Variants in NRXN3 observed in about 807,000 individuals in gnomAD.
The protein encoded by NRXN3 is neurexin 3.
Under a neutral mutation model 137.6 loss-of-function variants are expected in NRXN3, and 32 were observed. The ratio of observed to expected loss-of-function variants is 0.23; its 90% CI spans 0.18 to 0.31. NRXN3 has a LOEUF of 0.31. Among genes scored for constraint, NRXN3 ranks in the 10% least tolerant of loss-of-function variants. NRXN3 has a pLI of 1.00. For missense variants in NRXN3, 1,574 were observed against 2,062.5 expected, an observed-to-expected ratio of 0.76 and a Z score of 4.59; for synonymous variants, 798 against 784.5, an observed-to-expected ratio of 1.02 and a Z score of -0.29.
intron 4 of NRXN3, among the ~76,000 whole-genome samples, chr14:78,371,801 A>G (rs1022806487): frequency 2.6e-5 from 4 of 152,266 alleles, no homozygotes; most frequent in African/African-American, 9.6e-5. Flanking sequence ...GAAAGGATCA[A>G]GGGAACTATT....
chr14:79,537,349 G>A (rs377749351), intron 16 of NRXN3, among the ~76,000 whole-genome samples: 1 of 151,836 alleles, frequency 6.6e-6, no homozygotes, highest in Admixed American at 6.6e-5. Context: ...GTGCAGGTTA[G>A]TTACATATGT....
intron 4 of NRXN3, among the ~76,000 whole-genome samples, chr14:78,477,175 T>C (rs779896585): frequency 6.6e-6 from 1 of 152,206 alleles, no homozygotes; most frequent in Non-Finnish European, 1.5e-5. Context: ...TTTTTCTTTT[T>C]TCCATTGCTT....
At chr14:78,488,314 A>C (rs1289249197) in intron 4 of NRXN3, among the ~76,000 whole-genome samples, 1 of 152,166 alleles carries the variant, frequency 6.6e-6, no homozygotes, top group Non-Finnish European at 1.5e-5. Flanking sequence ...TTTGGGTAGG[A>C]GGCAGGGACA....
At chr14:79,582,456 C>G (rs1332043767) in intron 16 of NRXN3, among the ~76,000 whole-genome samples, 1 of 152,152 alleles carries the variant, frequency 6.6e-6, no homozygotes, top group Non-Finnish European at 1.5e-5. Context: ...GAGTCTTGCT[C>G]TGTCACTAGG....
intron 4 of NRXN3, among the ~76,000 whole-genome samples, chr14:78,543,653 A>G (rs2096612340): frequency 6.6e-6 from 1 of 152,164 alleles, no homozygotes; most frequent in Admixed American, 6.5e-5. Flanking sequence ...GGCTGACCTC[A>G]GTGATGAGTT....
intron 7 of NRXN3, among the ~76,000 whole-genome samples, chr14:78,712,148 T>C (rs1293953504): frequency 1.3e-5 from 2 of 152,220 alleles, no homozygotes; most frequent in Non-Finnish European, 2.9e-5. Context: ...TTGATTCTAG[T>C]ATTGTCTTTA....
intron 4 of NRXN3, among the ~76,000 whole-genome samples, chr14:78,340,627 G>A (rs1014177760): frequency 2.6e-5 from 4 of 152,062 alleles, no homozygotes; most frequent in South Asian, 2.1e-4. Flanking sequence ...CTCTTCTTGC[G>A]GCTCCTCAAA....
In NRXN3 at chr14:78,651,245, C is replaced by T. The variant is rs769787519; in HGVS notation, c.1140C>T (p.Phe380=). 1 of 1,613,974 alleles carries T rather than the reference C, an allele frequency of 6.2e-7. No individual in the cohort carries two copies. Among genetic ancestry groups the T allele is most frequent in the African/African-American group, 1.3e-5 (1 of 74,902 alleles). Residue 380 remains phenylalanine, a synonymous_variant, in exon 6 of 21, where the codon TTC becomes TTT. Coordinates refer to ENST00000335750, the MANE Select transcript of NRXN3 (RefSeq NM_001330195.2). ...ATACCATGCTGGGCTCGGACGACTT[C>T]TTCTATGTAGGAGGAAGCCCAAGTA... ...EDYTMLGSDD[F]FYVGGSPSTA...
intron 2 of NRXN3, among the ~76,000 whole-genome samples, chr14:78,249,839 C>G (rs12588567): frequency 0.22 from 33,055 of 151,868 alleles, 4,079 homozygotes; most frequent in Middle Eastern, 0.33. Context: ...ACTTGAACCC[C>G]CCGTTTGGCA....
chr14:78,332,268 G>T (rs1172643197), intron 4 of NRXN3, among the ~76,000 whole-genome samples: 4 of 150,312 alleles, frequency 2.7e-5, no homozygotes, highest in Non-Finnish European at 5.9e-5. Flanking sequence ...CATCATTGTT[G>T]CCCTCTTTGC....
At chr14:79,243,895 A>C (rs915804944) in intron 15 of NRXN3, among the ~76,000 whole-genome samples, 22 of 151,990 alleles carry the variant, frequency 1.4e-4, no homozygotes, top group Non-Finnish European at 2.9e-5. Context: ...TCCAAGTGAC[A>C]AAAAAAATCT....
intron 15 of NRXN3, among the ~76,000 whole-genome samples, chr14:79,350,947 A>G (rs1435102039): frequency 6.6e-6 from 1 of 152,190 alleles, no homozygotes; most frequent in Non-Finnish European, 1.5e-5. Flanking sequence ...CAACTTTGAC[A>G]TTAATGCTAT....
At chr14:78,604,509 A>G (rs2152447568) in intron 4 of NRXN3, among the ~76,000 whole-genome samples, 1 of 152,318 alleles carries the variant, frequency 6.6e-6, no homozygotes. Flanking sequence ...GAAATTTAGT[A>G]TTAAGTTAAA....
intron 15 of NRXN3, among the ~76,000 whole-genome samples, chr14:79,187,402 T>G (rs2063665695): frequency 6.6e-6 from 1 of 152,316 alleles, no homozygotes; most frequent in South Asian, 2.1e-4. Flanking sequence ...GAAAGTATTG[T>G]TATCTCCATT....
chr14:78,704,847 G>T (rs1452272259), intron 6 of NRXN3, among the ~76,000 whole-genome samples: 2 of 152,000 alleles, frequency 1.3e-5, no homozygotes, highest in Non-Finnish European at 2.9e-5. Flanking sequence ...CACATGGTAG[G>T]CTCTTTTCTT....
chr14:79,245,370 A>G (rs1184310439), intron 15 of NRXN3, among the ~76,000 whole-genome samples: 1 of 151,994 alleles, frequency 6.6e-6, no homozygotes. Flanking sequence ...CCATGGGAAG[A>G]GAAAGGGAGA....
chr14:78,425,142 C>A (rs973314730), intron 4 of NRXN3, among the ~76,000 whole-genome samples: 1 of 152,236 alleles, frequency 6.6e-6, no homozygotes, highest in Non-Finnish European at 1.5e-5. Context: ...CCAATGTACT[C>A]AAGATGGATC....
At chr14:78,556,948 T>TCTCCCCTCCCCCTCCC (rs2096743869) in intron 4 of NRXN3, among the ~76,000 whole-genome samples, 1 of 65,130 alleles carries the variant, frequency 1.5e-5, no homozygotes, top group Non-Finnish European at 2.8e-5. Context: ...GTCCCCTCCT[T>TCTCCCCTCCCCCTCCC]CTCCCCTCCC....
At chr14:79,809,007 C>T (rs1390772352) in intron 20 of NRXN3, among the ~76,000 whole-genome samples, 3 of 152,050 alleles carry the variant, frequency 2.0e-5, no homozygotes, top group Non-Finnish European at 4.4e-5. Flanking sequence ...CAATGGAAGT[C>T]AAGTTTTCAC....
Sources: allele counts gnomAD v4.1 joint callset (sites outside exome capture counted in the v4.1 genomes callset), GRCh38; gene constraint gnomAD v4.1.1; transcripts MANE v1.5; gene names NCBI Gene and HGNC (gene_info 2026-07-23, HGNC 2026-07-21).